Variants in ERAP1 observed in about 807,000 individuals in gnomAD.
ERAP1 encodes the protein adipocyte-derived leucine aminopeptidase.
Under a neutral mutation model 103.7 loss-of-function variants are expected in ERAP1, and 86 were observed. The observed-to-expected ratio is 0.83, with a 90% CI of 0.70 to 0.99. ERAP1 has a LOEUF of 0.99. Ranked by LOEUF, ERAP1 falls within the 50% of genes least tolerant of loss-of-function variation. ERAP1 has a pLI of 0.00. For missense variants in ERAP1, 1,009 were observed against 1,128.4 expected, an observed-to-expected ratio of 0.89 and a Z score of 1.52; for synonymous variants, 398 against 402.4, an observed-to-expected ratio of 0.99 and a Z score of 0.13.
At chr5:96,880,091 G>T in the ERAP1 span, 11 of 1,614,032 alleles carry the variant, frequency 6.8e-6, no homozygotes, top group African/African-American at 2.7e-5. Flanking sequence ...ACCAGGAAAA[G>T]AACTGAAAGT....
At chr5:96,843,306 G>T in the ERAP1 span, among the ~76,000 whole-genome samples, 3,647 of 152,190 alleles carry the variant, frequency 0.024, 156 homozygotes, top group African/African-American at 0.084. Flanking sequence ...CTGATTGGTT[G>T]CAGAAAGCAA....
the ERAP1 span, among the ~76,000 whole-genome samples, chr5:96,881,667 T>C: frequency 1.3e-5 from 2 of 152,078 alleles, no homozygotes; most frequent in Non-Finnish European, 2.9e-5. Context: ...CCAGGCTCCT[T>C]CTGTCTTTCT....
At chr5:96,918,507 G>A in the ERAP1 span, 1 of 152,158 alleles carries the variant, frequency 6.6e-6, no homozygotes, top group Admixed American at 6.5e-5. Flanking sequence ...AGAACCTCAA[G>A]GGTAGATTTT....
intron 3 of ERAP1, among the ~76,000 whole-genome samples, chr5:96,799,021 C>G (rs1416490359): frequency 6.6e-6 from 1 of 151,894 alleles, no homozygotes; most frequent in African/African-American, 2.4e-5. Context: ...ACATGTGCCA[C>G]CACGCCCAGC....
At chr5:96,841,181 A>G in the ERAP1 span, among the ~76,000 whole-genome samples, 2 of 152,360 alleles carry the variant, frequency 1.3e-5, no homozygotes, top group Admixed American at 6.5e-5. Context: ...AAATGCAAAT[A>G]CATTATCTGA....
chr5:96,798,382 G>A (rs1777595098), intron 3 of ERAP1, among the ~76,000 whole-genome samples: 1 of 147,872 alleles, frequency 6.8e-6, no homozygotes, highest in Admixed American at 6.8e-5. Context: ...ACCTTTTTAA[G>A]TGCAATCAGA....
chr5:96,924,950 G>C, the ERAP1 span, among the ~76,000 whole-genome samples: 2 of 152,102 alleles, frequency 1.3e-5, no homozygotes, highest in Non-Finnish European at 2.9e-5. Flanking sequence ...TGGAAGAAAG[G>C]CTGTGATTGC....
At chr5:96,814,490 T>C in the ERAP1 span, among the ~76,000 whole-genome samples, 13,936 of 152,200 alleles carry the variant, frequency 0.092, 845 homozygotes, top group Middle Eastern at 0.16. Flanking sequence ...ATCAAAAAAA[T>C]AACTGGTGAG....
chr5:96,900,268 C>A, the ERAP1 span: 8 of 1,515,972 alleles, frequency 5.3e-6, no homozygotes, highest in African/African-American at 8.3e-5. Flanking sequence ...TACAGAGTAG[C>A]CCACCTGTCC....
chr5:96,906,128 T>C, the ERAP1 span, among the ~76,000 whole-genome samples: 1 of 152,038 alleles, frequency 6.6e-6, no homozygotes, highest in African/African-American at 2.4e-5. Context: ...GGACAAGACA[T>C]TGTCATCCAA....
the ERAP1 span, among the ~76,000 whole-genome samples, chr5:96,877,722 A>G: frequency 7.6e-6 from 1 of 131,258 alleles, no homozygotes; most frequent in Non-Finnish European, 1.6e-5. Context: ...CCACATAATA[A>G]GCCACTCCAT....
chr5:96,868,128 A>T, the ERAP1 span, among the ~76,000 whole-genome samples: 1 of 152,196 alleles, frequency 6.6e-6, no homozygotes, highest in Non-Finnish European at 1.5e-5. Flanking sequence ...TCAGGCTACC[A>T]ACTTGAAGTC....
chr5:96,928,109 A>G, the ERAP1 span, among the ~76,000 whole-genome samples: 10,705 of 152,146 alleles, frequency 0.07, 452 homozygotes, highest in Middle Eastern at 0.15. Flanking sequence ...AGCTGGTCTC[A>G]AACTTCTGGC....
At chr5:96,798,463 C>T (rs932934910) in intron 3 of ERAP1, among the ~76,000 whole-genome samples, 3 of 151,830 alleles carry the variant, frequency 2.0e-5, no homozygotes, top group East Asian at 1.9e-4. Flanking sequence ...AAGTCTAACA[C>T]GTCAGCAATA....
chr5:96,778,544 G>A (rs796735468), intron 18 of ERAP1, among the ~76,000 whole-genome samples: 5 of 152,158 alleles, frequency 3.3e-5, no homozygotes, highest in Non-Finnish European at 5.9e-5. Context: ...AGCCAGGAGC[G>A]CCTGTGGGAA....
At chr5:96,930,694 C>T in the ERAP1 span, among the ~76,000 whole-genome samples, 1 of 152,204 alleles carries the variant, frequency 6.6e-6, no homozygotes, top group African/African-American at 2.4e-5. Context: ...TCCTCCCATA[C>T]GAAACAAGGA....
Position 96,776,236 on chromosome 5 carries a change from A to AAAAAGCCCATTCATG in ERAP1, c.*159_*160insCATGAATGGGCTTTT. 1 of 1,501,208 alleles carries AAAAAGCCCATTCATG rather than the reference A, an allele frequency of 6.7e-7. No homozygotes were observed. The highest frequency in any genetic ancestry group is 1.7e-4 in the Middle Eastern group (1 of 5,782). 93.0% of individuals were successfully genotyped at this position (1,501,208 alleles called of 1,614,324 possible). On this transcript the variant is annotated 3_prime_UTR_variant, in exon 19 of 19. Transcript: ENST00000443439. ...ACATGGTAGCGATAGCCCATTCATG[A>AAAAAGCCCATTCATG]AAAACTAACAGCTATTCTTTTCACA...
the ERAP1 span, among the ~76,000 whole-genome samples, chr5:96,869,818 A>G: frequency 2.0e-5 from 3 of 152,232 alleles, no homozygotes; most frequent in South Asian, 2.1e-4. Flanking sequence ...AAAGGCCCAG[A>G]AAAACCTTTT....
chr5:96,817,798 C>A, the ERAP1 span, among the ~76,000 whole-genome samples: 1 of 152,208 alleles, frequency 6.6e-6, no homozygotes, highest in Non-Finnish European at 1.5e-5. Context: ...TCAAGAGCTG[C>A]CTGTCTCCCT....
Sources: allele counts gnomAD v4.1 joint callset (sites outside exome capture counted in the v4.1 genomes callset), GRCh38; gene constraint gnomAD v4.1.1; transcripts MANE v1.5; gene names NCBI Gene and HGNC (gene_info 2026-07-23, HGNC 2026-07-21).